TRMT11: variants seen among roughly 807,000 people sequenced by gnomAD.
The protein encoded by TRMT11 is tRNA methyltransferase 11.
In TRMT11, 53 loss-of-function variants were observed where a neutral mutation model predicts 62.8. The observed-to-expected ratio is 0.84, with a 90% CI of 0.68 to 1.06. The LOEUF is 1.06. Ranked by LOEUF, TRMT11 falls within the 50% of genes least tolerant of loss-of-function variation. TRMT11 has a pLI of 0.00. For missense variants in TRMT11, 556 were observed against 553.4 expected (o/e 1.00, Z -0.05); for synonymous variants, 188 against 190.3 (o/e 0.99, Z 0.10).
At position 126,200,848 on chromosome 6, in the gene TRMT11, C is replaced by T. The variant is rs536509632; in HGVS notation, n.371+948C>T. Reference sequence around the variant, plus strand: ...GATTACAGGCGTGACCCACCGCGCCCGGCCCGACATGCATTTATAAATAAA... The same window carrying T: ...GATTACAGGCGTGACCCACCGCGCCTGGCCCGACATGCATTTATAAATAAA... On this transcript the variant is annotated intron_variant and non_coding_transcript_variant, in intron 3 of 3. Transcript: ENST00000444229. Among the ~76,000 whole-genome samples the T allele has an allele frequency of 2.0e-5, 3 of 152,298 alleles. No individual in the cohort carries two copies. In the South Asian group the frequency reaches 6.2e-4, roughly 32 times the overall value.
chr6:126,180,334 CT>C (rs1778443683), intron 1 of TRMT11, among the ~76,000 whole-genome samples: 1 of 152,032 alleles, frequency 6.6e-6, no homozygotes, highest in South Asian at 2.1e-4. Flanking sequence ...TGATAAATAC[CT>C]TGTCCAAGCC....
At chr6:126,270,969 A>G in the TRMT11 span, among the ~76,000 whole-genome samples, 2 of 152,152 alleles carry the variant, frequency 1.3e-5, no homozygotes. Flanking sequence ...TTTGGTGTAA[A>G]TATAAAGCAA....
rs573630365 is a variant in TRMT11 at position 126,012,641 on chromosome 6, A to C, written c.926-130A>C. On this transcript the variant is annotated intron_variant, in intron 9 of 12. Transcript: ENST00000334379. Reference sequence around the variant, plus strand: ...CCAAGTCTTTATGTTGTACATTTTCAGTTGGATTTGTGCATTGGTGATGTT... The same window carrying C: ...CCAAGTCTTTATGTTGTACATTTTCCGTTGGATTTGTGCATTGGTGATGTT... 5.4e-5 allele frequency: 33 copies of C among 613,198 alleles called. No homozygotes were observed. The African/African-American group carries it at 5.6e-4, about 10-fold the overall frequency. The allele number at this position is 613,198 out of a possible 1,614,324, so 38.0% of individuals were successfully genotyped here.
At chr6:126,186,420 T>G (rs960477514) in intron 1 of TRMT11, among the ~76,000 whole-genome samples, 3 of 152,178 alleles carry the variant, frequency 2.0e-5, no homozygotes, top group East Asian at 3.8e-4. Context: ...TTAATTAAAT[T>G]CCTAGAATTG....
intron 5 of TRMT11, 52 bp from the exon 6 acceptor site, chr6:125,998,497 AT>A: frequency 1.3e-6 from 2 of 1,563,974 alleles, no homozygotes; most frequent in Non-Finnish European, 8.7e-7. Flanking sequence ...GATAAGCGCC[AT>A]TTTTCATTGT....
At chr6:126,004,095 A>G (rs112838855) in intron 7 of TRMT11, among the ~76,000 whole-genome samples, 290 of 152,224 alleles carry the variant, frequency 1.9e-3, no homozygotes, top group Non-Finnish European at 3.7e-3. Context: ...AATTGAGAAT[A>G]ATTCTTTTAG....
chr6:126,054,839 C>CAGAA (rs1419872079), intron 17 of TRMT11, among the ~76,000 whole-genome samples: 1 of 152,214 alleles, frequency 6.6e-6, no homozygotes, highest in Non-Finnish European at 1.5e-5. Flanking sequence ...ACTCTGCTGT[C>CAGAA]TTCTGAGACA....
rs758240892 is a variant in TRMT11, at chr6:125,998,615, T to C, written c.453T>C (p.Val151=). 1.8e-5 allele frequency: 29 copies of C among 1,613,450 alleles called. No individual in the cohort carries two copies. Among genetic ancestry groups the C allele is most frequent in the Admixed American group, 1.5e-4 (9 of 59,976 alleles). ...NLKKPQHVFS[V]LEDYGLDPNC... ...AGAAACCGCAACATGTATTTTCTGT[T>C]TTGGAGGATTATGGTTTAGACCCAA... The change falls in exon 6 of 13, where the codon GTT becomes GTC. Residue 151 remains valine (V), a synonymous_variant. Transcript: ENST00000334379.
At chr6:125,993,912 T>C in intron 2 of TRMT11, 90 bp downstream of exon 2, 1 of 709,348 alleles carries the variant, frequency 1.4e-6, no homozygotes. Context: ...TAAATTTATA[T>C]TTGTATGGTT....
At chr6:126,227,775 C>G in the TRMT11 span, among the ~76,000 whole-genome samples, 1 of 152,200 alleles carries the variant, frequency 6.6e-6, no homozygotes, top group Admixed American at 6.5e-5. Context: ...TTCCGTCTCT[C>G]TGTCTCTTTC....
At chr6:126,174,122 C>T (rs75377205), upstream of TRMT11, among the ~76,000 whole-genome samples, 12,741 of 152,184 alleles carry the variant, frequency 0.084, 1,777 homozygotes, top group African/African-American at 0.29. Context: ...CACCTTTCTG[C>T]AGCCTCTCAC....
chr6:126,169,741 A>G (rs556136164), intron 21 of TRMT11, among the ~76,000 whole-genome samples: 171 of 152,328 alleles, frequency 1.1e-3, no homozygotes, highest in African/African-American at 4.0e-3. Context: ...TGGTAGCCTC[A>G]GAAGAGTTCT....
chr6:126,244,777 G>A, the TRMT11 span, among the ~76,000 whole-genome samples: 2 of 152,130 alleles, frequency 1.3e-5, no homozygotes, highest in African/African-American at 4.8e-5. Flanking sequence ...CAGGTGACAC[G>A]CAAGGTGCAA....
chr6:126,019,612 C>T (rs1035424436), intron 11 of TRMT11, among the ~76,000 whole-genome samples: 1 of 152,082 alleles, frequency 6.6e-6, no homozygotes, highest in Admixed American at 6.5e-5. Context: ...TAGTTTGACA[C>T]AAACTGTTTC....
Position 126,022,344 on chromosome 6 carries a change from G to T in TRMT11, c.1260+1064G>T, listed in dbSNP as rs564828098. Among the ~76,000 whole-genome samples, 34 of 152,150 alleles carry T rather than the reference G, an allele frequency of 2.2e-4. 1 individual carries two copies. The South Asian group carries it at 6.4e-3, about 29-fold the overall frequency. ...TTACAGGCGTGAGCCACCGTGTCCA[G>T]ACTGAAGATTTTTCATACCCATCTC... On this transcript the variant is annotated intron_variant, in intron 12 of 12. Coordinates refer to ENST00000334379, the MANE Select transcript of TRMT11 (RefSeq NM_001031712.3).
intron 17 of TRMT11, among the ~76,000 whole-genome samples, chr6:126,063,954 G>A (rs1437091819): frequency 6.6e-6 from 1 of 152,162 alleles, no homozygotes; most frequent in Non-Finnish European, 1.5e-5. Flanking sequence ...GGCCGAGGAA[G>A]GACCACAGGA....
the TRMT11 span, among the ~76,000 whole-genome samples, chr6:126,223,468 A>AAAACAAAACAAAAC: frequency 7.0e-6 from 1 of 141,986 alleles, no homozygotes; most frequent in African/African-American, 3.0e-5. Context: ...CAAAACAAAA[A>AAAACAAAACAAAAC]GAAGGCTGAA....
chr6:126,111,325 T>C (rs1273103267), intron 17 of TRMT11, among the ~76,000 whole-genome samples: 1 of 152,098 alleles, frequency 6.6e-6, no homozygotes, highest in African/African-American at 2.4e-5. Context: ...TTTAAGGATG[T>C]AAAGAACATT....
rs187245130 is a variant in TRMT11 at position 126,006,135 on chromosome 6, C to G, written c.680-2257C>G. Among the ~76,000 whole-genome samples the G allele has an allele frequency of 9.9e-5, 15 of 151,988 alleles. No individual in the cohort carries two copies. The East Asian group carries it at 2.9e-3, about 29-fold the overall frequency. On this transcript the variant is annotated intron_variant, in intron 7 of 12. Transcript: ENST00000334379. ...CTCTTTCGCATTTTTTTCCCACTAC[C>G]CTTTGTAGTCCCCTTTTCCTGGAAT...
Sources: gnomAD v4.1 joint callset for allele counts (sites outside exome capture counted in the v4.1 genomes callset) on GRCh38, gnomAD v4.1.1 for gene constraint, MANE v1.5 for transcripts, NCBI Gene and HGNC (gene_info 2026-07-23, HGNC 2026-07-21) for gene names.